SPMAP2L: variants seen among roughly 807,000 people sequenced by gnomAD.
SPMAP2L encodes the protein sperm microtubule associated protein 2-like.
the SPMAP2L span, among the ~76,000 whole-genome samples, chr4:56,600,097 C>CTTTTTTTTTTTTTTTTTTTTTTTTTTT: frequency 1.6e-4 from 14 of 87,802 alleles, 2 homozygotes; most frequent in African/African-American, 6.6e-4. Flanking sequence ...TCTTTGCTTT[C>CTTTTTTTTTTTTTTTTTTTTTTTTTTT]TTTTTTTTTT....
the SPMAP2L span, among the ~76,000 whole-genome samples, chr4:56,607,424 G>A: frequency 8.2e-3 from 1,243 of 152,266 alleles, 17 homozygotes; most frequent in African/African-American, 0.029. Context: ...AGTGTTTGGT[G>A]TTTTGTTATA....
At chr4:56,537,938 C>T in the SPMAP2L span, among the ~76,000 whole-genome samples, 1 of 152,028 alleles carries the variant, frequency 6.6e-6, no homozygotes, top group Admixed American at 6.6e-5. Flanking sequence ...TGTGATCTGC[C>T]CGCCTCGGCC....
At chr4:56,547,141 CAATAATTGTAACT>C in the SPMAP2L span, among the ~76,000 whole-genome samples, 2 of 151,848 alleles carry the variant, frequency 1.3e-5, no homozygotes, top group Non-Finnish European at 2.9e-5. Flanking sequence ...AAGTTGTAAC[CAATAATTGTAACT>C]ACCATTCATC....
At chr4:56,567,094 T>C in the SPMAP2L span, among the ~76,000 whole-genome samples, 1 of 152,170 alleles carries the variant, frequency 6.6e-6, no homozygotes, top group Non-Finnish European at 1.5e-5. Context: ...TACATTATTA[T>C]TATTTTTGCT....
the SPMAP2L span, among the ~76,000 whole-genome samples, chr4:56,537,303 C>CA: frequency 6.6e-6 from 1 of 152,306 alleles, no homozygotes; most frequent in South Asian, 2.1e-4. Context: ...CACACTCACT[C>CA]AAGAGTTTAG....
chr4:56,614,170 G>T, the SPMAP2L span, among the ~76,000 whole-genome samples: 1 of 152,146 alleles, frequency 6.6e-6, no homozygotes, highest in East Asian at 1.9e-4. Context: ...GACTCTATAA[G>T]GAAAGGATTT....
At chr4:56,552,010 T>C in the SPMAP2L span, among the ~76,000 whole-genome samples, 4 of 152,166 alleles carry the variant, frequency 2.6e-5, no homozygotes, top group Non-Finnish European at 2.9e-5. Context: ...CTGGGAAACA[T>C]AGGGCAACAC....
At chr4:56,553,922 A>C in the SPMAP2L span, among the ~76,000 whole-genome samples, 2 of 151,798 alleles carry the variant, frequency 1.3e-5, no homozygotes, top group African/African-American at 4.8e-5. Context: ...AAAGTCATCT[A>C]GTTGGAACTG....
the SPMAP2L span, among the ~76,000 whole-genome samples, chr4:56,553,056 A>G: frequency 1.3e-5 from 2 of 152,090 alleles, no homozygotes; most frequent in Admixed American, 1.3e-4. Flanking sequence ...TCTTATTAGA[A>G]CACACCTGTC....
At chr4:56,592,382 T>A in the SPMAP2L span, among the ~76,000 whole-genome samples, 1 of 152,242 alleles carries the variant, frequency 6.6e-6, no homozygotes, top group Non-Finnish European at 1.5e-5. Context: ...TTACCATTTA[T>A]CTCTGAATCA....
chr4:56,603,412 AC>A, the SPMAP2L span: 1 of 894,502 alleles, frequency 1.1e-6, no homozygotes, highest in Non-Finnish European at 1.6e-6. Flanking sequence ...CTGTCAGTTT[AC>A]ATTCACCCCT....
At chr4:56,544,615 G>C in the SPMAP2L span, among the ~76,000 whole-genome samples, 8 of 152,134 alleles carry the variant, frequency 5.3e-5, no homozygotes. Context: ...TCATCCGAGA[G>C]ATTTTTTTTT....
chr4:56,587,265 C>T, the SPMAP2L span, among the ~76,000 whole-genome samples: 1 of 150,798 alleles, frequency 6.6e-6, no homozygotes, highest in Non-Finnish European at 1.5e-5. Flanking sequence ...TTCCTTGGTC[C>T]ATTGATTGAT....
chr4:56,586,935 T>C, the SPMAP2L span, among the ~76,000 whole-genome samples: 2 of 152,168 alleles, frequency 1.3e-5, no homozygotes, highest in Non-Finnish European at 2.9e-5. Context: ...CCCAATGATG[T>C]AAGCTTTTTA....
chr4:56,600,208 G>T, the SPMAP2L span, among the ~76,000 whole-genome samples: 1 of 142,640 alleles, frequency 7.0e-6, no homozygotes, highest in African/African-American at 2.6e-5. Flanking sequence ...GCCTCCCAAA[G>T]TGCTGGGACT....
the SPMAP2L span, among the ~76,000 whole-genome samples, chr4:56,535,091 T>G: frequency 6.6e-6 from 1 of 152,252 alleles, no homozygotes; most frequent in Admixed American, 6.5e-5. Context: ...AGCATCATTC[T>G]TGACGCCTGT....
At chr4:56,599,290 C>T in the SPMAP2L span, among the ~76,000 whole-genome samples, 3 of 152,032 alleles carry the variant, frequency 2.0e-5, no homozygotes, top group Non-Finnish European at 2.9e-5. Context: ...CTCAAGTGAT[C>T]CTCCCACTTC....
chr4:56,538,068 C>T, the SPMAP2L span, among the ~76,000 whole-genome samples: 3 of 152,138 alleles, frequency 2.0e-5, no homozygotes, highest in Admixed American at 1.3e-4. Context: ...CTATGGCTAC[C>T]GCAGCCAGAG....
At chr4:56,555,435 A>G in the SPMAP2L span, among the ~76,000 whole-genome samples, 1 of 152,194 alleles carries the variant, frequency 6.6e-6, no homozygotes, top group East Asian at 1.9e-4. Flanking sequence ...TATTATGTTG[A>G]CTATTCTGGG....
Sources: allele counts gnomAD v4.1 joint callset (sites outside exome capture counted in the v4.1 genomes callset), GRCh38; gene constraint gnomAD v4.1.1; transcripts MANE v1.5; gene names NCBI Gene and HGNC (gene_info 2026-07-23, HGNC 2026-07-21).